MTMR14: variants seen among roughly 807,000 people sequenced by gnomAD.
The protein encoded by MTMR14 is phosphatidylinositol-3,5-bisphosphate 3-phosphatase MTMR14.
Under a neutral mutation model 86.3 loss-of-function variants are expected in MTMR14, and 48 were observed. The ratio of observed to expected loss-of-function variants is 0.56; its 90% CI spans 0.44 to 0.71. The LOEUF is 0.71. Ranked by LOEUF, MTMR14 falls within the 30% of genes least tolerant of loss-of-function variation. MTMR14 has a pLI of 0.00. For synonymous variants in MTMR14, 366 were observed against 326.1 expected (o/e 1.12, Z -1.32); for missense variants, 780 against 834.6 (o/e 0.93, Z 0.81).
intron 17 of MTMR14, among the ~76,000 whole-genome samples, chr3:9,696,434 C>T (rs1325305009): frequency 6.6e-6 from 1 of 152,192 alleles, no homozygotes; most frequent in African/African-American, 2.4e-5. Flanking sequence ...ATTGCTTGAA[C>T]CCAGGAGGCA....
chr3:9,702,051 AG>A lies in MTMR14; in HGVS notation c.*82del, dbSNP rs2076477210. ...GAGAATCAAAGCCATGCCTGGCCGA[AG>A]GGGTACTTCCAGGTCAGGGGAAATT... On this transcript the variant is annotated 3_prime_UTR_variant, in exon 19 of 19. Coordinates refer to ENST00000296003, the MANE Select transcript of MTMR14 (RefSeq NM_001077525.3). 6 of 1,578,866 alleles carry A rather than the reference AG, an allele frequency of 3.8e-6. No individual in the cohort carries two copies. The highest frequency in any genetic ancestry group is 3.5e-6 in the Non-Finnish European group (4 of 1,152,214).
intron 5 of MTMR14, among the ~76,000 whole-genome samples, chr3:9,669,985 TAAG>T (rs2048481867): frequency 1.3e-5 from 2 of 152,302 alleles, no homozygotes; most frequent in South Asian, 4.1e-4. Context: ...GTACTACACA[TAAG>T]AAGAGCTTGG....
chr3:9,670,923 C>T (rs2048534227), intron 5 of MTMR14, 125 bp from the exon 6 acceptor site: 2 of 1,258,622 alleles, frequency 1.6e-6, no homozygotes, highest in African/African-American at 2.9e-5. Flanking sequence ...ACCCATGCGT[C>T]CACCTAGCAC....
In MTMR14 at chr3:9,662,333, C is replaced by T. The variant is rs2047989213; in HGVS notation, c.375C>T (p.Cys125=). ...DLIHRSKMAR[C]RGRFVCPVIL... is the part of the protein sequence containing the mutation. ...TCCACCGCAGCAAGATGGCCCGGTG[C>T]AGAGGACGGTTTGTCTGCCCAGTAA... is the stretch of plus-strand genomic sequence containing the variant. Residue 125 remains cysteine (C), a synonymous_variant, in exon 3 of 19, where the codon TGC becomes TGT. Coordinates refer to ENST00000296003, the MANE Select transcript of MTMR14 (RefSeq NM_001077525.3). 5.6e-6 allele frequency: 9 copies of T among 1,613,538 alleles called. No homozygotes were observed. Among genetic ancestry groups the T allele is most frequent in the African/African-American group, 2.7e-5 (2 of 74,730 alleles).
chr3:9,663,977 C>T (rs914563263), intron 3 of MTMR14, among the ~76,000 whole-genome samples: 5 of 150,914 alleles, frequency 3.3e-5, no homozygotes, highest in African/African-American at 4.9e-5. Context: ...TTAGTAGAGA[C>T]GGGGTTTCGC....
Position 9,668,811 on chromosome 3 carries a change from A to T in MTMR14, c.493+17A>T. 2.5e-6 allele frequency: 4 copies of T among 1,613,228 alleles called. No individual in the cohort carries two copies. The highest frequency in any genetic ancestry group is 3.4e-6 in the Non-Finnish European group (4 of 1,179,174). On this transcript the variant is annotated intron_variant, in intron 4 of 18. Coordinates refer to ENST00000296003, the MANE Select transcript of MTMR14 (RefSeq NM_001077525.3). ...TTTTCTCAGGTGAATGTTGAACAGC[A>T]TCCTCTGATGTAGAATGAGAACCCA...
chr3:9,683,104 G>A, intron 9 of MTMR14, 74 bp from the exon 10 acceptor site: 2 of 1,428,634 alleles, frequency 1.4e-6, no homozygotes, highest in Non-Finnish European at 9.8e-7. Flanking sequence ...AATAACTCTT[G>A]GCATTTTATT....
rs1215572060 is a variant in MTMR14 at position 9,669,464 on chromosome 3, G to T, written c.526G>T (p.Asp176Tyr). The change falls in exon 5 of 19, where the codon GAC becomes TAC. Residue 176 changes from aspartate (D) to tyrosine (Y), a missense_variant. Physicochemically the swap from Asp to Tyr is radical, Grantham distance 160 (BLOSUM62 -3). Transcript: ENST00000296003. ...GADDAWADVEDVTEEDCALRS... is the reference protein window; with the variant it reads ...GADDAWADVEYVTEEDCALRS... Reference sequence around the variant, plus strand: ...AGATGATGCCTGGGCAGATGTGGAGGACGTCACGGAGGAGGACTGTGCTCT... The same window carrying T: ...AGATGATGCCTGGGCAGATGTGGAGTACGTCACGGAGGAGGACTGTGCTCT... 1.2e-6 allele frequency: 2 copies of T among 1,613,930 alleles called. No individual in the cohort carries two copies. Among genetic ancestry groups the T allele is most frequent in the South Asian group, 2.2e-5 (2 of 91,064 alleles).
intron 1 of MTMR14, chr3:9,650,591 G>T (rs2047223526): frequency 3.2e-6 from 1 of 309,908 alleles, no homozygotes; most frequent in Non-Finnish European, 6.6e-6. Context: ...GAAGACTTCA[G>T]TAAGGATTGG....
chr3:9,669,332 G>A (rs2048439910), intron 4 of MTMR14, 100 bp from the exon 5 acceptor site: 12 of 1,215,044 alleles, frequency 9.9e-6, no homozygotes, highest in Non-Finnish European at 1.4e-5. Context: ...TGTAGTCCCA[G>A]CCCACCCTTG....
intron 18 of MTMR14, 150 bp downstream of exon 18, chr3:9,698,016 T>C: frequency 8.8e-6 from 10 of 1,140,676 alleles, no homozygotes; most frequent in Non-Finnish European, 1.3e-5. Flanking sequence ...ACCCGAGGTA[T>C]GAAGGAGGCC....
chr3:9,652,714 A>G (rs1322310471), intron 1 of MTMR14, among the ~76,000 whole-genome samples: 1 of 151,560 alleles, frequency 6.6e-6, no homozygotes, highest in Non-Finnish European at 1.5e-5. Context: ...AAAAAAAGGA[A>G]TGGGGAAGAG....
At chr3:9,698,804 C>T (rs1439916280) in intron 18 of MTMR14, among the ~76,000 whole-genome samples, 1 of 152,074 alleles carries the variant, frequency 6.6e-6, no homozygotes, top group African/African-American at 2.4e-5. Context: ...GTCACTGTGC[C>T]TGGCACAGCC....
chr3:9,677,138 C>T lies in MTMR14; in HGVS notation c.752-179C>T, dbSNP rs548292813. ...CAGGAAACCAGAGGGGCTCTAGAGG[C>T]TCGCCCCTGGCTTTTGCCCACCCGT... is the stretch of plus-strand genomic sequence containing the variant. On this transcript the variant is annotated intron_variant, in intron 7 of 18. Transcript: ENST00000296003. This position sits in a 1 kb window ranked among gnomAD's most constrained non-coding sequence, Gnocchi z 4.2. 2.6e-5 allele frequency among the ~76,000 whole-genome samples: 4 copies of T among 152,320 alleles called. No individual in the cohort carries two copies. In the East Asian group the frequency reaches 5.8e-4, roughly 22 times the overall value.
chr3:9,670,062 C>T (rs964798347), intron 5 of MTMR14, among the ~76,000 whole-genome samples: 3 of 152,212 alleles, frequency 2.0e-5, no homozygotes, highest in Admixed American at 6.5e-5. Flanking sequence ...TCTTGCTATC[C>T]GCTTTCCAAA....
chr3:9,688,204 G>C (rs2076024198), intron 14 of MTMR14, among the ~76,000 whole-genome samples: 1 of 152,190 alleles, frequency 6.6e-6, no homozygotes, highest in South Asian at 2.1e-4. Flanking sequence ...CAGCCCAGGA[G>C]TAGGAGGACT....
chr3:9,678,980 C>A (rs2075671170), intron 9 of MTMR14, among the ~76,000 whole-genome samples: 1 of 152,180 alleles, frequency 6.6e-6, no homozygotes, highest in South Asian at 2.1e-4. Flanking sequence ...TTCCCCTGTC[C>A]CCAGGTCTGG....
chr3:9,656,510 C>T (rs2047616210), intron 2 of MTMR14, among the ~76,000 whole-genome samples: 1 of 152,086 alleles, frequency 6.6e-6, no homozygotes, highest in African/African-American at 2.4e-5. Context: ...TAACCTCTGC[C>T]TCCCAGGCTC....
chr3:9,680,822 GCGAGACTCC>G (rs1238740403), intron 9 of MTMR14, among the ~76,000 whole-genome samples: 2 of 152,028 alleles, frequency 1.3e-5, no homozygotes, highest in Non-Finnish European at 2.9e-5. Flanking sequence ...GGGCGACAGA[GCGAGACTCC>G]GTCTCAAAAA....
Sources: gnomAD v4.1 joint callset for allele counts (sites outside exome capture counted in the v4.1 genomes callset) on GRCh38, gnomAD v4.1.1 for gene constraint, Gnocchi (gnomAD v3.1) non-coding constraint, MANE v1.5 for transcripts, NCBI Gene and HGNC (gene_info 2026-07-23, HGNC 2026-07-21) for gene names.